Variants in MCTP1 observed in about 807,000 individuals in gnomAD.
The protein encoded by MCTP1 is multiple C2 and transmembrane domain containing 1, also known as multiple C2 and transmembrane domain-containing protein 1.
A neutral mutation model predicts 120.6 loss-of-function variants in MCTP1; 69 were observed. That is an observed-to-expected ratio of 0.57 (90% CI 0.47 to 0.70). The LOEUF is 0.70. Ranked by LOEUF, MCTP1 falls within the 30% of genes least tolerant of loss-of-function variation. MCTP1 has a pLI of 0.00. For synonymous variants in MCTP1, 529 were observed against 493.1 expected (o/e 1.07, Z -0.96); for missense variants, 1,203 against 1,248.8 (o/e 0.96, Z 0.55).
intron 3 of MCTP1, among the ~76,000 whole-genome samples, chr5:94,951,627 AAAT>A (rs1177774428): frequency 3.3e-5 from 5 of 151,998 alleles, no homozygotes; most frequent in African/African-American, 1.2e-4. Flanking sequence ...CCCACCCCAG[AAAT>A]AATACTTCCT....
At chr5:95,050,026 G>T (rs939721208) in intron 1 of MCTP1, among the ~76,000 whole-genome samples, 1 of 151,950 alleles carries the variant, frequency 6.6e-6, no homozygotes, top group Non-Finnish European at 1.5e-5. Flanking sequence ...TGTGTTAGGT[G>T]ACCTCTACCC....
chr5:95,082,954 G>A lies in MCTP1; in HGVS notation c.721-65470C>T, dbSNP rs1253226603. The stretch of plus-strand genomic sequence containing the variant: ...TAACCTTCTCCAATTACTTTCTATC[G>A]GATGATCTTTTTTATTTCCTTTATA... On this transcript the variant is annotated intron_variant, in intron 1 of 22. Transcript: ENST00000515393. Among the ~76,000 whole-genome samples the A allele has an allele frequency of 4.6e-5, 7 of 152,012 alleles. No individual in the cohort carries two copies. The South Asian group carries it at 1.0e-3, about 23-fold the overall frequency.
At chr5:95,165,752 G>A (rs1424983976) in intron 1 of MCTP1, among the ~76,000 whole-genome samples, 1 of 152,140 alleles carries the variant, frequency 6.6e-6, no homozygotes, top group Admixed American at 6.5e-5. Context: ...CTCTGAGAGG[G>A]ACTTGGTTTC....
intron 2 of MCTP1, among the ~76,000 whole-genome samples, chr5:95,014,352 T>G (rs572897107): frequency 1.3e-5 from 2 of 152,216 alleles, no homozygotes; most frequent in South Asian, 2.1e-4. Context: ...TTTTAACCCT[T>G]ATGGATGACT....
intron 1 of MCTP1, among the ~76,000 whole-genome samples, chr5:95,082,106 A>G (rs1755017944): frequency 1.3e-5 from 2 of 152,212 alleles, no homozygotes; most frequent in Non-Finnish European, 2.9e-5. Context: ...TTACAACACA[A>G]TAGAATCTCC....
intron 1 of MCTP1, among the ~76,000 whole-genome samples, chr5:95,194,944 C>T (rs138587100): frequency 6.6e-6 from 1 of 152,146 alleles, no homozygotes; most frequent in Non-Finnish European, 1.5e-5. Context: ...GAGCAGAGAC[C>T]TTGGCAATAA....
At chr5:94,800,977 T>C (rs1781106413) in intron 17 of MCTP1, among the ~76,000 whole-genome samples, 1 of 152,062 alleles carries the variant, frequency 6.6e-6, no homozygotes, top group Non-Finnish European at 1.5e-5. Context: ...TATACAATTA[T>C]ACAAAGATGA....
At chr5:94,874,080 A>G (rs942069539) in intron 12 of MCTP1, among the ~76,000 whole-genome samples, 3 of 152,084 alleles carry the variant, frequency 2.0e-5, no homozygotes, top group Admixed American at 6.6e-5. Context: ...ATATTAGTGC[A>G]GCATGTAATT....
intron 2 of MCTP1, among the ~76,000 whole-genome samples, chr5:94,970,092 C>T (rs67758058): frequency 0.045 from 6,868 of 151,920 alleles, 220 homozygotes; most frequent in Middle Eastern, 0.099. Flanking sequence ...CATGATATAG[C>T]ACATAGATTA....
chr5:95,075,701 T>C (rs1008753664), intron 1 of MCTP1, among the ~76,000 whole-genome samples: 5 of 152,202 alleles, frequency 3.3e-5, no homozygotes, highest in Admixed American at 6.5e-5. Flanking sequence ...TTAGTTATAT[T>C]TGATCAGATA....
chr5:94,905,881 G>C (rs1050279992), intron 10 of MCTP1, among the ~76,000 whole-genome samples: 1 of 152,164 alleles, frequency 6.6e-6, no homozygotes, highest in African/African-American at 2.4e-5. Flanking sequence ...GATGCCCAAA[G>C]AGTGAGCTCC....
intron 17 of MCTP1, among the ~76,000 whole-genome samples, chr5:94,807,772 C>T (rs2153052863): frequency 6.6e-6 from 1 of 152,278 alleles, no homozygotes; most frequent in South Asian, 2.1e-4. Context: ...ATATGTGTGA[C>T]AGTCATACCC....
At chr5:95,250,147 A>T (rs1757240921) in intron 1 of MCTP1, among the ~76,000 whole-genome samples, 1 of 148,090 alleles carries the variant, frequency 6.8e-6, no homozygotes, top group South Asian at 2.2e-4. Context: ...CCTAGAACTT[A>T]AAAGTATAAT....
intron 21 of MCTP1, chr5:94,710,042 GT>G (rs545747685): frequency 4.6e-5 from 7 of 152,128 alleles, no homozygotes; most frequent in Non-Finnish European, 8.8e-5. Flanking sequence ...AGGTGTATGT[GT>G]AAGCAGGTGA....
intron 19 of MCTP1, among the ~76,000 whole-genome samples, chr5:94,755,750 A>T (rs1769657962): frequency 6.6e-6 from 1 of 152,062 alleles, no homozygotes; most frequent in South Asian, 2.1e-4. Flanking sequence ...TCTCCACAGA[A>T]CTGTCCTCGG....
At chr5:94,961,188 T>C (rs1303120278) in intron 2 of MCTP1, among the ~76,000 whole-genome samples, 1 of 148,828 alleles carries the variant, frequency 6.7e-6, no homozygotes, top group Non-Finnish European at 1.5e-5. Context: ...AACCAAATAG[T>C]GCATGTTCTC....
chr5:94,762,265 A>G (rs1771535335), intron 19 of MCTP1, among the ~76,000 whole-genome samples: 1 of 152,202 alleles, frequency 6.6e-6, no homozygotes, highest in Non-Finnish European at 1.5e-5. Context: ...TAGTCTTTCC[A>G]TCTATAAAAT....
intron 1 of MCTP1, among the ~76,000 whole-genome samples, chr5:95,025,941 G>A (rs1224332909): frequency 1.3e-5 from 2 of 152,080 alleles, no homozygotes; most frequent in Admixed American, 1.3e-4. Context: ...TAATATGTGT[G>A]GGAATCAACA....
intron 19 of MCTP1, among the ~76,000 whole-genome samples, chr5:94,749,474 G>T (rs1767716449): frequency 6.6e-6 from 1 of 151,952 alleles, no homozygotes; most frequent in Admixed American, 6.6e-5. Flanking sequence ...GGCCAACATG[G>T]CGAAACCCTG....
Sources: gnomAD v4.1 joint callset for allele counts (sites outside exome capture counted in the v4.1 genomes callset) on GRCh38, gnomAD v4.1.1 for gene constraint, MANE v1.5 for transcripts, NCBI Gene and HGNC (gene_info 2026-07-23, HGNC 2026-07-21) for gene names.